Variants in DNAH9 observed in about 807,000 individuals in gnomAD.
DNAH9 encodes dynein axonemal heavy chain 9.
A neutral mutation model predicts 471.6 loss-of-function variants in DNAH9; 345 were observed. The observed-to-expected ratio is 0.73, with a 90% CI of 0.67 to 0.80. The LOEUF (loss-of-function observed/expected upper bound fraction) is 0.80. DNAH9 is among the 30% of genes least tolerant of loss of function. The pLI is 0.00. For missense variants in DNAH9, 5,407 were observed against 5,609.2 expected, an observed-to-expected ratio of 0.96 and a Z score of 1.15; for synonymous variants, 2,093 against 2,123.6, an observed-to-expected ratio of 0.99 and a Z score of 0.40.
At chr17:11,857,215 C>T (rs1283252695) in intron 50 of DNAH9, among the ~76,000 whole-genome samples, 3 of 152,282 alleles carry the variant, frequency 2.0e-5, no homozygotes, top group East Asian at 1.9e-4. Context: ...ATTCACATGA[C>T]GGGCCCACTC....
Position 11,784,466 on chromosome 17 carries a change from C to G in DNAH9, c.7988C>G (p.Ala2663Gly). The G allele has an allele frequency of 6.2e-7, 1 of 1,614,226 alleles. No individual in the cohort carries two copies. The highest frequency in any genetic ancestry group is 8.5e-7 in the Non-Finnish European group (1 of 1,180,040). ...DLALAFHQKI[A>G]TTFLPTGIKF... ...GCCCTCGCCTTCCACCAGAAAATTG[C>G]TACCACCTTCCTACCCACAGGAATC... The change falls in exon 41 of 69, where the codon GCT becomes GGT. Residue 2663 changes from alanine (A) to glycine (G), a missense_variant. Coordinates refer to ENST00000262442, the MANE Select transcript of DNAH9 (RefSeq NM_001372.4).
chr17:11,611,831 G>A lies in DNAH9; in HGVS notation c.904+51G>A, dbSNP rs371562421. ...AATGTGTTTGACTCAAGTTACCGTC[G>A]AATGATGCATTCACCTCTCTCTGTC... is the stretch of plus-strand genomic sequence containing the variant. On this transcript the variant is annotated intron_variant, in intron 4 of 68. Coordinates refer to ENST00000262442, the MANE Select transcript of DNAH9 (RefSeq NM_001372.4). The A allele has an allele frequency of 3.3e-5, 53 of 1,583,568 alleles. No individual in the cohort carries two copies. In the African/African-American group the frequency reaches 5.1e-4, roughly 15 times the overall value.
chr17:11,721,429 A>G (rs1443063654), intron 27 of DNAH9, among the ~76,000 whole-genome samples: 1 of 152,092 alleles, frequency 6.6e-6, no homozygotes, highest in African/African-American at 2.4e-5. Context: ...CTGGACACCA[A>G]ATATCCCAGG....
intron 14 of DNAH9, among the ~76,000 whole-genome samples, chr17:11,661,269 AT>A (rs532918689): frequency 2.8e-4 from 43 of 151,868 alleles, no homozygotes; most frequent in Non-Finnish European, 5.3e-4. Flanking sequence ...TACTTTTTGT[AT>A]TTTGCATCTT....
chr17:11,702,897 C>T (rs918854885), intron 24 of DNAH9, among the ~76,000 whole-genome samples: 1 of 151,946 alleles, frequency 6.6e-6, no homozygotes, highest in African/African-American at 2.4e-5. Flanking sequence ...TCGAGACCAT[C>T]CTGCCTAACA....
At chr17:11,849,252 C>G (rs1971329807) in intron 49 of DNAH9, among the ~76,000 whole-genome samples, 1 of 152,174 alleles carries the variant, frequency 6.6e-6, no homozygotes, top group African/African-American at 2.4e-5. Context: ...ACCTTCAGTT[C>G]CCTGCCTAGA....
chr17:11,894,707 C>T (rs914250610), intron 59 of DNAH9, among the ~76,000 whole-genome samples: 4 of 152,168 alleles, frequency 2.6e-5, no homozygotes, highest in Admixed American at 6.5e-5. Flanking sequence ...TGTATGAGGG[C>T]TCTGCCTCCA....
At chr17:11,705,237 A>C in intron 26 of DNAH9, 52 bp downstream of exon 26, 1 of 1,539,930 alleles carries the variant, frequency 6.5e-7, no homozygotes, top group South Asian at 1.1e-5. Context: ...GGTTCAGGCC[A>C]GCTAGTGGGC....
At chr17:11,634,654 G>A (rs2073127291) in intron 8 of DNAH9, among the ~76,000 whole-genome samples, 2 of 152,188 alleles carry the variant, frequency 1.3e-5, no homozygotes, top group African/African-American at 4.8e-5. Context: ...GAAAGAAAGT[G>A]TGACCCTAGA....
At chr17:11,599,087 A>G (rs976745150) in intron 1 of DNAH9, among the ~76,000 whole-genome samples, 172 bp downstream of exon 1, 10 of 151,634 alleles carry the variant, frequency 6.6e-5, no homozygotes, top group Non-Finnish European at 1.2e-4. Flanking sequence ...ACCAGGAGGG[A>G]AGTTCCTGAA....
intron 42 of DNAH9, among the ~76,000 whole-genome samples, chr17:11,796,783 G>A (rs1969258918): frequency 6.6e-6 from 1 of 152,154 alleles, no homozygotes; most frequent in Non-Finnish European, 1.5e-5. Flanking sequence ...CAAGTCTCAG[G>A]TATTTGGGTT....
intron 49 of DNAH9, among the ~76,000 whole-genome samples, chr17:11,840,785 T>A (rs916634780): frequency 6.6e-6 from 1 of 152,056 alleles, no homozygotes; most frequent in East Asian, 1.9e-4. Flanking sequence ...AAATATTGTG[T>A]GATATGGGGC....
Position 11,886,982 on chromosome 17 carries a change from G to A in DNAH9, c.11112+17G>A. 2 of 1,603,286 alleles carry A rather than the reference G, an allele frequency of 1.2e-6. No homozygotes were observed. Among genetic ancestry groups the A allele is most frequent in the Non-Finnish European group, 1.7e-6 (2 of 1,174,766 alleles). ...TCTCTCAAGGTGACTTACACCTGGA[G>A]TTTCTTGCCTGATTATAATAAAGCA... On this transcript the variant is annotated intron_variant, in intron 57 of 68. Transcript: ENST00000262442.
At chr17:11,698,250 AT>A (rs1292436666) in intron 22 of DNAH9, among the ~76,000 whole-genome samples, 1 of 47,520 alleles carries the variant, frequency 2.1e-5, no homozygotes, top group Non-Finnish European at 4.8e-5. Context: ...TATATAATAT[AT>A]TAATATATAA....
rs544153879 is a variant in DNAH9 at position 11,598,858 on chromosome 17, GGTCTGC to G, written c.362_367del (p.Val121_Cys122del). ...GGCCCGACAGCTTCCGCGGCGCAGT[GGTCTGC>G]GGGGACCTGCCCGCGGCACCTCTGG... On this transcript the variant is annotated inframe_deletion, in exon 1 of 69. Transcript: ENST00000262442. The G allele has an allele frequency of 1.9e-6, 3 of 1,539,912 alleles. No homozygotes were observed. In the African/African-American group the frequency reaches 4.2e-5, roughly 21 times the overall value.
chr17:11,661,008 A>G (rs903194183), intron 14 of DNAH9, among the ~76,000 whole-genome samples: 4 of 151,784 alleles, frequency 2.6e-5, no homozygotes, highest in Admixed American at 6.6e-5. Flanking sequence ...GTCTATTTCA[A>G]TTTTAGTTCT....
At chr17:11,788,897 T>A (rs1375651183) in intron 41 of DNAH9, among the ~76,000 whole-genome samples, 1 of 152,100 alleles carries the variant, frequency 6.6e-6, no homozygotes, top group African/African-American at 2.4e-5. Flanking sequence ...TTTACCTGAT[T>A]AAGGAAATAT....
chr17:11,810,189 G>T, intron 44 of DNAH9, 57 bp from the exon 45 acceptor site: 3 of 1,554,428 alleles, frequency 1.9e-6, no homozygotes, highest in Non-Finnish European at 2.6e-6. Flanking sequence ...ATGGGTTGGA[G>T]TTCTCTTTCA....
chr17:11,862,932 G>T (rs1399772088), intron 50 of DNAH9, among the ~76,000 whole-genome samples: 1 of 151,740 alleles, frequency 6.6e-6, no homozygotes, highest in Admixed American at 6.6e-5. Context: ...TGAGACAATG[G>T]GGTTTTCTAG....
Sources: gnomAD v4.1 joint callset for allele counts (sites outside exome capture counted in the v4.1 genomes callset) on GRCh38, gnomAD v4.1.1 for gene constraint, MANE v1.5 for transcripts, NCBI Gene and HGNC (gene_info 2026-07-23, HGNC 2026-07-21) for gene names.